SGK2: variants seen among roughly 807,000 people sequenced by gnomAD.
SGK2 encodes the protein serum/glucocorticoid regulated kinase 2.
SGK2 carries 36 observed loss-of-function variants against 47.5 expected under a neutral mutation model. The ratio of observed to expected loss-of-function variants is 0.76; its 90% confidence interval spans 0.58 to 1.00. The LOEUF (loss-of-function observed/expected upper bound fraction) is 1.00, where lower values mean the gene tolerates loss of function less well. Ranked by LOEUF, SGK2 falls within the 50% of genes least tolerant of loss-of-function variation. SGK2 has a pLI of 0.00. For missense variants in SGK2, 404 were observed against 467.4 expected (o/e 0.86, Z 1.25); for synonymous variants, 157 against 181.9 (o/e 0.86, Z 1.10).
chr20:43,568,134 G>A (rs1166762299), intron 5 of SGK2, 135 bp downstream of exon 5: 2 of 669,298 alleles, frequency 3.0e-6, no homozygotes, highest in Non-Finnish European at 5.2e-6. Flanking sequence ...AGGGTAGAGG[G>A]GAGGTGGTAC....
intron 11 of SGK2, among the ~76,000 whole-genome samples, chr20:43,579,182 T>A (rs537046278): frequency 1.4e-4 from 21 of 152,238 alleles, no homozygotes; most frequent in African/African-American, 4.8e-4. Context: ...CACGCCTGGC[T>A]AATTTTTCTA....
chr20:43,582,021 G>A (rs1279948414), intron 12 of SGK2, among the ~76,000 whole-genome samples: 1 of 152,128 alleles, frequency 6.6e-6, no homozygotes, highest in Admixed American at 6.6e-5. Flanking sequence ...ATATTTCTTT[G>A]TCTTATAGTA....
At chr20:43,564,574 C>T (rs1377160384) in intron 1 of SGK2, among the ~76,000 whole-genome samples, 1 of 152,142 alleles carries the variant, frequency 6.6e-6, no homozygotes, top group Non-Finnish European at 1.5e-5. Context: ...CTTACCTATA[C>T]ACACATATTA....
intron 3 of SGK2, 135 bp from the exon 4 acceptor site, chr20:43,567,530 G>A (rs904624839): frequency 1.3e-6 from 1 of 761,936 alleles, no homozygotes; most frequent in Non-Finnish European, 2.2e-6. Flanking sequence ...GTTCTTCGGG[G>A]GTGAGGAGGC....
chr20:43,581,145 G>A (rs1163805928), intron 12 of SGK2, among the ~76,000 whole-genome samples: 1 of 152,274 alleles, frequency 6.6e-6, no homozygotes, highest in East Asian at 1.9e-4. Context: ...AAAGTGCTGG[G>A]ATTACAGGCG....
At position 43,584,954 on chromosome 20, in the gene SGK2, G is replaced by A. The variant is rs1981009608; in HGVS notation, c.1042G>A (p.Ala348Thr). 1.2e-6 allele frequency: 2 copies of A among 1,614,100 alleles called. No homozygotes were observed. Among genetic ancestry groups the A allele is most frequent in the South Asian group, 1.1e-5 (1 of 91,072 alleles). The change falls in exon 13 of 13, where the codon GCC becomes ACC. Residue 348 changes from alanine (A) to threonine (T), a missense_variant. Ala to Thr is a moderately conservative substitution (Grantham distance 58). Transcript: ENST00000373100. The stretch of plus-strand genomic sequence containing the variant: ...TGACACTGTGGCCAGCAGCTCTGGG[G>A]CCTCAAGTGCATTCCTGGGATTTTC... ...TPDTVASSSGASSAFLGFSYA... is the reference protein window; with the variant it reads ...TPDTVASSSGTSSAFLGFSYA...
chr20:43,564,385 T>C (rs1979556271), intron 1 of SGK2, among the ~76,000 whole-genome samples: 2 of 152,238 alleles, frequency 1.3e-5, no homozygotes, highest in Non-Finnish European at 2.9e-5. Flanking sequence ...GGCGAAGGGC[T>C]CTCAGCTGCC....
At chr20:43,583,427 A>G in intron 12 of SGK2, 2 of 1,199,378 alleles carry the variant, frequency 1.7e-6, no homozygotes, top group Non-Finnish European at 2.1e-6. Context: ...AATAAGGGCC[A>G]GGATGCACAT....
chr20:43,574,862 C>A (rs1440174041), intron 9 of SGK2, 47 bp from the exon 10 acceptor site: 2 of 1,471,858 alleles, frequency 1.4e-6, no homozygotes, highest in African/African-American at 1.4e-5. Flanking sequence ...GCTGGGGCAA[C>A]TGAGGCTTAA....
In SGK2 at chr20:43,585,189, A is replaced by G. The variant is rs951848057; in HGVS notation, c.*173A>G. ...GAGTCCAGGACTGGCAGGACAGGTC[A>G]TCAGATACTCAGAGGCTGTATCTCT... is the stretch of plus-strand genomic sequence containing the variant. On this transcript the variant is annotated 3_prime_UTR_variant, in exon 13 of 13. Coordinates refer to ENST00000373100, the MANE Select transcript of SGK2 (RefSeq NM_170693.3). 3.6e-6 allele frequency: 2 copies of G among 551,696 alleles called. No individual in the cohort carries two copies. The highest frequency in any genetic ancestry group is 6.3e-6 in the Non-Finnish European group (2 of 318,612). The allele number at this position is 551,696 out of a possible 1,614,324, so 34.2% of individuals were successfully genotyped here. A position where few individuals can be genotyped will look rare whatever the true frequency, so the allele number is the denominator to read the frequency against.
intron 1 of SGK2, chr20:43,566,251 T>G: frequency 7.6e-7 from 1 of 1,311,842 alleles, no homozygotes. Flanking sequence ...ACCATCCCCC[T>G]TTATCCCTTC....
intron 1 of SGK2, 191 bp from the exon 2 acceptor site, chr20:43,566,282 C>CTG (rs1411437374): frequency 1.3e-6 from 2 of 1,509,852 alleles, no homozygotes; most frequent in East Asian, 4.5e-5. Context: ...GTTAGGAAGT[C>CTG]TGGGTCCAGG....
intron 10 of SGK2, 38 bp from the exon 11 acceptor site, chr20:43,576,186 C>T (rs758339372): frequency 1.1e-5 from 18 of 1,608,460 alleles, no homozygotes; most frequent in Non-Finnish European, 1.5e-5. Flanking sequence ...GTTCACTTTG[C>T]ATGGGTGATC....
chr20:43,572,036 C>T lies in SGK2; in HGVS notation c.511-15C>T. The stretch of plus-strand genomic sequence containing the variant: ...CTCATACCACCCTCCAGCCCATGCC[C>T]TCCGTCATTCTCAGGGACACGTGGT... On this transcript the variant is annotated splice_polypyrimidine_tract_variant and intron_variant, in intron 8 of 12. Transcript: ENST00000373100. This position sits in a 1 kb window ranked among gnomAD's most constrained non-coding sequence, Gnocchi z 4.2. 2 of 1,543,884 alleles carry T rather than the reference C, an allele frequency of 1.3e-6. No homozygotes were observed. Among genetic ancestry groups the T allele is most frequent in the Non-Finnish European group, 8.8e-7 (1 of 1,141,908 alleles).
intron 5 of SGK2, 44 bp from the exon 6 acceptor site, chr20:43,569,341 T>G (rs534243732): frequency 1.2e-6 from 2 of 1,605,582 alleles, no homozygotes; most frequent in African/African-American, 2.7e-5. Context: ...TAAAAGAGGC[T>G]GTTGTGGGCT....
At position 43,571,043 on chromosome 20, in the gene SGK2, A is replaced by G; in HGVS notation, c.493A>G (p.Ile165Val). ...IIYRDLKPEN[I>V]LLDCQGHVVL... ...CTGCAGGGATCTGAAACCAGAGAAC[A>G]TTCTCTTGGACTGCCAGGTTGGTGT... is the stretch of plus-strand genomic sequence containing the variant. Residue 165 changes from isoleucine to valine, a missense_variant, in exon 8 of 13, where the codon ATT becomes GTT. Ile to Val is a conservative substitution (Grantham distance 29). Transcript: ENST00000373100. 6.2e-7 allele frequency: 1 copy of G among 1,610,310 alleles called. No individual in the cohort carries two copies. Among genetic ancestry groups the G allele is most frequent in the Non-Finnish European group, 8.5e-7 (1 of 1,179,714 alleles).
At chr20:43,566,983 G>A (rs1979770401) in intron 2 of SGK2, 85 bp from the exon 3 acceptor site, 1 of 1,117,652 alleles carries the variant, frequency 8.9e-7, no homozygotes, top group Non-Finnish European at 1.3e-6. Context: ...TAGAGTTGTT[G>A]GAGAAGGGAT....
chr20:43,560,318 G>T (rs1979305198), intron 1 of SGK2, among the ~76,000 whole-genome samples: 1 of 152,076 alleles, frequency 6.6e-6, no homozygotes, highest in Admixed American at 6.6e-5. Flanking sequence ...AGCCAACATG[G>T]TGGAACCTCG....
Position 43,570,529 on chromosome 20 carries a change from C to G in SGK2, c.361-88C>G, listed in dbSNP as rs541392717. ...TGCTGCAGGTCAGAGAGGGAGTGAGCTCGCAGCCGCACAGGGCGGGGAGCA... is the reference window on the plus strand; with the variant it reads ...TGCTGCAGGTCAGAGAGGGAGTGAGGTCGCAGCCGCACAGGGCGGGGAGCA... On this transcript the variant is annotated intron_variant, in intron 6 of 12. Coordinates refer to ENST00000373100, the MANE Select transcript of SGK2 (RefSeq NM_170693.3). 2.0e-4 allele frequency: 165 copies of G among 823,590 alleles called. 2 individuals carry two copies. The South Asian group carries it at 2.7e-3, about 13-fold the overall frequency. The allele number at this position is 823,590 out of a possible 1,614,324, so 51.0% of individuals were successfully genotyped here.
Sources: allele counts gnomAD v4.1 joint callset (sites outside exome capture counted in the v4.1 genomes callset), GRCh38; gene constraint gnomAD v4.1.1; non-coding constraint Gnocchi (gnomAD v3.1); transcripts MANE v1.5; gene names NCBI Gene and HGNC (gene_info 2026-07-23, HGNC 2026-07-21).